The following AFF2 variants were observed in gnomAD, a reference collection of about 807,000 sequenced individuals.
AFF2 encodes the protein AF4/FMR2 family member 2.
Under a neutral mutation model 76.9 loss-of-function variants are expected in AFF2, and 14 were observed. That is an observed-to-expected ratio of 0.18 (90% CI 0.12 to 0.28). The LOEUF is 0.28. AFF2 is among the 10% of genes least tolerant of loss of function. The pLI, the probability that AFF2 is intolerant of heterozygous loss-of-function variation, is 1.00. For synonymous variants in AFF2, 398 were observed against 366.7 expected, an observed-to-expected ratio of 1.09 and a Z score of -0.98; for missense variants, 868 against 1,001.1, an observed-to-expected ratio of 0.87 and a Z score of 1.79.
chrX:148,886,555 A>T (rs1488235482), intron 8 of AFF2, among the ~76,000 whole-genome samples: 2 of 111,998 alleles, frequency 1.8e-5, no homozygotes, highest in African/African-American at 6.5e-5. Context: ...TTTACCACCA[A>T]ATGAGATGGC....
At position 148,723,912 on chromosome X, in the gene AFF2, C is replaced by A. The variant is rs781805758; in HGVS notation, c.1041+61144C>A. Among the ~76,000 whole-genome samples the A allele has an allele frequency of 3.7e-3, 354 of 96,001 alleles. 2 individuals are homozygous for A. The highest frequency in any genetic ancestry group is 0.013 in the African/African-American group (344 of 26,057). The allele number at this position is 96,001 out of a possible 115,157, so 83.4% of individuals were successfully genotyped here. A position where few individuals can be genotyped will look rare whatever the true frequency, so the allele number is the denominator to read the frequency against. ...TGAAAACCTTTTTTTTTCTTTTTTT[C>A]TTTTTTCTTTTTTTTTTTTTTTGGT... On this transcript the variant is annotated intron_variant, in intron 3 of 20. Transcript: ENST00000370460.
intron 8 of AFF2, among the ~76,000 whole-genome samples, chrX:148,888,850 G>A (rs782644585): frequency 7.2e-5 from 8 of 111,447 alleles, no homozygotes; most frequent in African/African-American, 9.8e-5. Context: ...GAATGATTGG[G>A]GAGAAAGCAT....
chrX:148,976,793 C>A (rs1362253756), intron 16 of AFF2, among the ~76,000 whole-genome samples: 2 of 112,505 alleles, frequency 1.8e-5, no homozygotes, highest in Non-Finnish European at 3.8e-5. Flanking sequence ...TTTCAGTGAT[C>A]CAACTGTCAA....
chrX:148,773,748 G>GAAAGAA (rs2069633000), intron 3 of AFF2, among the ~76,000 whole-genome samples: 3 of 91,959 alleles, frequency 3.3e-5, no homozygotes, highest in Non-Finnish European at 6.7e-5. Context: ...GAAAGAAAGA[G>GAAAGAA]AAAGAAAGAA....
intron 9 of AFF2, among the ~76,000 whole-genome samples, chrX:148,940,034 G>C (rs2071815901): frequency 8.9e-6 from 1 of 111,788 alleles, no homozygotes; most frequent in Admixed American, 9.5e-5. Context: ...TTTTGCCCAA[G>C]TTTCTAACTG....
intron 9 of AFF2, among the ~76,000 whole-genome samples, chrX:148,947,504 C>T (rs1352892208): frequency 9.0e-6 from 1 of 111,622 alleles, no homozygotes. Flanking sequence ...CTTTCTATTG[C>T]TTTCTATTTC....
intron 1 of AFF2, among the ~76,000 whole-genome samples, chrX:148,530,470 A>AT (rs781857421): frequency 9.0e-6 from 1 of 111,580 alleles, no homozygotes; most frequent in East Asian, 2.8e-4. Flanking sequence ...CCTTGGGGTG[A>AT]TTTTTGCAGA....
intron 9 of AFF2, among the ~76,000 whole-genome samples, chrX:148,928,504 G>A (rs138830408): frequency 9.7e-4 from 109 of 112,875 alleles, no homozygotes; most frequent in African/African-American, 3.4e-3. Context: ...ATGAGAAGAT[G>A]CCACCCAAGA....
intron 1 of AFF2, among the ~76,000 whole-genome samples, chrX:148,640,548 G>A (rs1603265406): frequency 8.9e-6 from 1 of 112,130 alleles, no homozygotes; most frequent in African/African-American, 3.2e-5. Flanking sequence ...AAACATAACT[G>A]CGTAAACGCT....
chrX:148,862,808 TACA>T (rs1457685885), intron 7 of AFF2, among the ~76,000 whole-genome samples: 1 of 112,165 alleles, frequency 8.9e-6, no homozygotes, highest in African/African-American at 3.2e-5. Flanking sequence ...GAACACATTT[TACA>T]ACAACAATGA....
At chrX:148,660,500 C>T (rs782540136) in intron 2 of AFF2, among the ~76,000 whole-genome samples, 1 of 112,079 alleles carries the variant, frequency 8.9e-6, no homozygotes, top group Non-Finnish European at 1.9e-5. Flanking sequence ...GAGATGCTAG[C>T]GCTGGATAGG....
chrX:148,633,367 A>G (rs959915812), intron 1 of AFF2, among the ~76,000 whole-genome samples: 4 of 111,816 alleles, frequency 3.6e-5, no homozygotes, highest in South Asian at 3.8e-4. Context: ...CTGCATGACT[A>G]CATGCAGCCT....
chrX:148,965,585 G>T (rs965241197), intron 13 of AFF2, among the ~76,000 whole-genome samples: 2 of 111,428 alleles, frequency 1.8e-5, no homozygotes, highest in Non-Finnish European at 3.8e-5. Flanking sequence ...CAGCTTTGAT[G>T]ACAGGGAAGA....
intron 1 of AFF2, among the ~76,000 whole-genome samples, chrX:148,613,845 A>G (rs1345320591): frequency 8.9e-6 from 1 of 112,144 alleles, no homozygotes; most frequent in Non-Finnish European, 1.9e-5. Flanking sequence ...TAAAATCTTT[A>G]TCCACCACAT....
Position 148,997,902 on chromosome X carries a change from ATACT to A in AFF2, c.*6573_*6576del, listed in dbSNP as rs1557293584. On this transcript the variant is annotated 3_prime_UTR_variant, in exon 21 of 21. Transcript: ENST00000370460. The stretch of plus-strand genomic sequence containing the variant: ...ATTCCATCTCAAGACAATTTGTCAA[ATACT>A]TAATTTTCTTCCTGGATGATTCTAC... 8.9e-6 allele frequency: 1 copy of A among 112,615 alleles called. No homozygotes were observed. The highest frequency in any genetic ancestry group is 2.8e-4 in the East Asian group (1 of 3,609). The allele number at this position is 112,615 out of a possible 1,213,427, so 9.3% of individuals were successfully genotyped here.
intron 2 of AFF2, among the ~76,000 whole-genome samples, chrX:148,657,544 T>C (rs1372473024): frequency 8.9e-6 from 1 of 112,038 alleles, no homozygotes; most frequent in East Asian, 2.8e-4. Flanking sequence ...AGAAACAAAC[T>C]GAGGGAAGTT....
intron 1 of AFF2, among the ~76,000 whole-genome samples, chrX:148,600,084 G>T (rs1385603893): frequency 5.3e-5 from 6 of 112,190 alleles, no homozygotes; most frequent in Non-Finnish European, 9.4e-5. Flanking sequence ...TCAATTTTTG[G>T]TTTTTGTGTA....
At chrX:148,983,968 A>AAAAAAAAAAAAAAAAAAAAAG (rs1431816827) in intron 19 of AFF2, among the ~76,000 whole-genome samples, 1 of 103,469 alleles carries the variant, frequency 9.7e-6, no homozygotes, top group African/African-American at 3.5e-5. Context: ...AAAAAAAAAA[A>AAAAAAAAAAAAAAAAAAAAAG]CTGCCCTCAT....
chrX:148,650,336 T>C (rs2054191099), intron 1 of AFF2, among the ~76,000 whole-genome samples: 1 of 111,353 alleles, frequency 9.0e-6, no homozygotes, highest in Admixed American at 9.6e-5. Context: ...ATCTAATACC[T>C]ATGGAGGGCA....
Sources: allele counts gnomAD v4.1 joint callset (sites outside exome capture counted in the v4.1 genomes callset), GRCh38; gene constraint gnomAD v4.1.1; transcripts MANE v1.5; gene names NCBI Gene and HGNC (gene_info 2026-07-23, HGNC 2026-07-21).